LRBA: variants seen among roughly 807,000 people sequenced by gnomAD.
LRBA encodes the protein lipopolysaccharide-responsive and beige-like anchor protein.
A neutral mutation model predicts 330.0 loss-of-function variants in LRBA; 176 were observed. That is an observed-to-expected ratio of 0.53 (90% CI 0.47 to 0.60). The LOEUF is 0.60. Ranked by LOEUF, LRBA falls within the 20% of genes least tolerant of loss-of-function variation. LRBA has a pLI of 0.00. For missense variants in LRBA, 3,259 were observed against 3,444.8 expected (o/e 0.95, Z 1.35); for synonymous variants, 1,230 against 1,193.0 (o/e 1.03, Z -0.64).
At chr4:150,750,560 G>A (rs1052137194) in intron 35 of LRBA, among the ~76,000 whole-genome samples, 1 of 151,854 alleles carries the variant, frequency 6.6e-6, no homozygotes, top group African/African-American at 2.4e-5. Context: ...AGAAATCCTG[G>A]CCTCAAATTC....
chr4:150,814,592 A>C, intron 31 of LRBA, among the ~76,000 whole-genome samples: 1 of 151,884 alleles, frequency 6.6e-6, no homozygotes, highest in Non-Finnish European at 1.5e-5. Context: ...GACCATCATC[A>C]CAAGGAAGAC....
At chr4:150,719,069 T>C (rs777746765) in intron 36 of LRBA, among the ~76,000 whole-genome samples, 9 of 152,248 alleles carry the variant, frequency 5.9e-5, no homozygotes, top group Middle Eastern at 3.4e-3. Context: ...TGAAATAGCA[T>C]AAGGATTCAT....
At chr4:150,821,100 T>C (rs1388453364) in intron 30 of LRBA, among the ~76,000 whole-genome samples, 1 of 152,082 alleles carries the variant, frequency 6.6e-6, no homozygotes, top group Non-Finnish European at 1.5e-5. Context: ...AAGAAACAAA[T>C]TGAAATCTTT....
chr4:150,265,552 C>A lies in LRBA; in HGVS notation c.*170G>T. The stretch of plus-strand genomic sequence containing the variant: ...CAGCCAGTTTTCTGCTTTGCTAATC[C>A]CCCCCAAAAAAGTCAAGCAAAGACT... On this transcript the variant is annotated 3_prime_UTR_variant, in exon 57 of 57. Transcript: ENST00000651943. 5.7e-6 allele frequency: 3 copies of A among 528,084 alleles called. No homozygotes were observed. Among genetic ancestry groups the A allele is most frequent in the Non-Finnish European group, 6.9e-6 (2 of 289,364 alleles). The allele number at this position is 528,084 out of a possible 1,614,324, so 32.7% of individuals were successfully genotyped here.
chr4:150,323,835 AG>A (rs1199877126), intron 49 of LRBA, among the ~76,000 whole-genome samples: 4 of 152,234 alleles, frequency 2.6e-5, no homozygotes, highest in Admixed American at 1.3e-4. Context: ...CTGGTAAAAC[AG>A]GGATAAGAGA....
chr4:150,557,184 T>C (rs1413684263), intron 40 of LRBA, among the ~76,000 whole-genome samples: 2 of 152,110 alleles, frequency 1.3e-5, no homozygotes, highest in African/African-American at 2.4e-5. Flanking sequence ...AAGAACAAGC[T>C]TGAAAGGCTT....
intron 31 of LRBA, among the ~76,000 whole-genome samples, chr4:150,808,749 G>C (rs1266758039): frequency 2.0e-5 from 3 of 152,118 alleles, no homozygotes; most frequent in Non-Finnish European, 1.5e-5. Context: ...CAAAAACACA[G>C]AAACAGCTAC....
chr4:150,848,026 T>TC (rs567595246), intron 26 of LRBA, among the ~76,000 whole-genome samples: 180 of 152,222 alleles, frequency 1.2e-3, no homozygotes, highest in African/African-American at 4.2e-3. Context: ...TAACCCTTTT[T>TC]TTTTTTGAGA....
chr4:150,534,018 T>A (rs1266244885), intron 40 of LRBA, among the ~76,000 whole-genome samples: 3 of 152,184 alleles, frequency 2.0e-5, no homozygotes, highest in Admixed American at 6.5e-5. Flanking sequence ...CCTTGTCTTT[T>A]CCTGTTGTTC....
At chr4:150,580,907 T>C (rs1771233274) in intron 40 of LRBA, 1 of 153,070 alleles carries the variant, frequency 6.5e-6, no homozygotes, top group Non-Finnish European at 1.5e-5. Flanking sequence ...TGAAGTCTTT[T>C]AAAAGCAAGA....
At chr4:150,714,245 A>G (rs2127050833) in intron 36 of LRBA, among the ~76,000 whole-genome samples, 1 of 152,322 alleles carries the variant, frequency 6.6e-6, no homozygotes, top group Non-Finnish European at 1.5e-5. Flanking sequence ...CTAATATTTC[A>G]AGAACAGTTT....
chr4:150,809,852 TACGATACGATACGATACGATACGATA>T (rs1228944690), intron 31 of LRBA, among the ~76,000 whole-genome samples: 203 of 7,894 alleles, frequency 0.026, 1 homozygote, highest in African/African-American at 0.065. Context: ...TGTCTTAAAA[TACGATACGATACGATACGATACGATA>T]CGATACGATA....
At chr4:150,436,267 C>G (rs2151994580) in intron 45 of LRBA, among the ~76,000 whole-genome samples, 1 of 152,140 alleles carries the variant, frequency 6.6e-6, no homozygotes, top group East Asian at 1.9e-4. Context: ...AAATTGCTTT[C>G]TAGTAGATGA....
intron 13 of LRBA, among the ~76,000 whole-genome samples, chr4:150,905,370 G>C (rs1392305526): frequency 6.6e-6 from 1 of 151,746 alleles, no homozygotes; most frequent in Non-Finnish European, 1.5e-5. Flanking sequence ...AAAAAAGAGA[G>C]AGAGCAGGAG....
In LRBA at chr4:150,315,609, C is replaced by A; in HGVS notation, c.7645G>T (p.Val2549Leu). ...GGCAGCTGGTATGGCTGGTCTTGTA[C>A]AGCACCTTGATGAGCTGGAATTCAC... ...WHNLPAHQGA[V>L]QDQPYQLPVE... is the part of the protein sequence containing the mutation. The change falls in exon 51 of 57, where the codon GTA (valine) becomes TTA (leucine). Residue 2549 changes from valine (V) to leucine (L), a missense_variant. Physicochemically the swap from Val to Leu is conservative, Grantham distance 32. Coordinates refer to ENST00000651943, the MANE Select transcript of LRBA (RefSeq NM_001364905.1). The A allele has an allele frequency of 6.3e-7, 1 of 1,597,608 alleles. No homozygotes were observed. The highest frequency in any genetic ancestry group is 8.5e-7 in the Non-Finnish European group (1 of 1,174,808).
intron 48 of LRBA, among the ~76,000 whole-genome samples, chr4:150,344,501 A>G (rs1396127110): frequency 6.6e-6 from 1 of 152,194 alleles, no homozygotes; most frequent in Non-Finnish European, 1.5e-5. Flanking sequence ...AAACAAACAT[A>G]TTAGTAACAT....
At chr4:150,965,578 T>G (rs1738784397) in intron 2 of LRBA, among the ~76,000 whole-genome samples, 1 of 152,210 alleles carries the variant, frequency 6.6e-6, no homozygotes, top group African/African-American at 2.4e-5. Context: ...CACTCTGTTG[T>G]CCAGGTGGCA....
intron 40 of LRBA, among the ~76,000 whole-genome samples, chr4:150,503,619 G>C (rs894888108): frequency 1.3e-5 from 2 of 152,142 alleles, no homozygotes; most frequent in Non-Finnish European, 2.9e-5. Context: ...ACCAAAGGTA[G>C]ATAAAACCAC....
intron 40 of LRBA, among the ~76,000 whole-genome samples, chr4:150,502,118 T>C (rs1330269051): frequency 2.6e-5 from 4 of 152,210 alleles, no homozygotes; most frequent in Non-Finnish European, 4.4e-5. Flanking sequence ...AGCTGAGTAC[T>C]GACCAAGCTA....
Sources: allele counts gnomAD v4.1 joint callset (sites outside exome capture counted in the v4.1 genomes callset), GRCh38; gene constraint gnomAD v4.1.1; transcripts MANE v1.5; gene names NCBI Gene and HGNC (gene_info 2026-07-23, HGNC 2026-07-21).